MACF1: variants seen among roughly 807,000 people sequenced by gnomAD.
MACF1 encodes microtubule-actin cross-linking factor 1.
A neutral mutation model predicts 854.8 loss-of-function variants in MACF1; 193 were observed. That is an observed-to-expected ratio of 0.23 (90% confidence interval 0.20 to 0.25). The LOEUF (loss-of-function observed/expected upper bound fraction) is 0.25. MACF1 is among the 10% of genes least tolerant of loss of function. The probability of loss-of-function intolerance (pLI) is 1.00; values close to 1 mark genes in which losing one functional copy is unlikely to be tolerated. For missense variants in MACF1, 7,722 were observed against 8,929.1 expected (o/e 0.86, Z 5.45); for synonymous variants, 3,185 against 3,226.7 (o/e 0.99, Z 0.44).
At chr1:39,211,563 C>T (rs371258754) in intron 1 of MACF1, among the ~76,000 whole-genome samples, 10 of 151,992 alleles carry the variant, frequency 6.6e-5, no homozygotes, top group Non-Finnish European at 1.3e-4. Flanking sequence ...CACCGGCACC[C>T]GGCCTGTCTT....
chr1:39,245,666 T>C (rs1644974339), intron 2 of MACF1, among the ~76,000 whole-genome samples: 1 of 152,160 alleles, frequency 6.6e-6, no homozygotes, highest in African/African-American at 2.4e-5. Context: ...AGTGGGAGGA[T>C]TGTTTGTACC....
chr1:39,173,803 T>C (rs753099766), intron 2 of MACF1, among the ~76,000 whole-genome samples: 5 of 152,252 alleles, frequency 3.3e-5, no homozygotes, highest in Non-Finnish European at 7.3e-5. Flanking sequence ...AACATTTTCA[T>C]ATTTCTTTCT....
chr1:39,324,524 T>G, intron 34 of MACF1, 122 bp from the exon 35 acceptor site: 1 of 1,035,088 alleles, frequency 9.7e-7, no homozygotes, highest in East Asian at 2.6e-5. Context: ...TGTAGCTCAT[T>G]GGTGATAATA....
At chr1:39,385,256 C>T (rs1271396902) in intron 56 of MACF1, among the ~76,000 whole-genome samples, 178 bp from the exon 57 acceptor site, 2 of 152,062 alleles carry the variant, frequency 1.3e-5, no homozygotes, top group African/African-American at 2.4e-5. Flanking sequence ...TTAGTAGAGA[C>T]GGGGTTTCGC....
At chr1:39,329,280 T>C (rs1646674150) in intron 36 of MACF1, among the ~76,000 whole-genome samples, 1 of 152,218 alleles carries the variant, frequency 6.6e-6, no homozygotes, top group Admixed American at 6.5e-5. Context: ...GAGAACCAAA[T>C]ATACTGTTCT....
chr1:39,444,490 A>G (rs933038751), intron 79 of MACF1, among the ~76,000 whole-genome samples, 172 bp from the exon 80 acceptor site: 3 of 152,168 alleles, frequency 2.0e-5, no homozygotes, highest in Non-Finnish European at 4.4e-5. Context: ...TTTATTATTA[A>G]GTATGGTGGG....
chr1:39,220,184 A>AT (rs891119841), intron 1 of MACF1, among the ~76,000 whole-genome samples: 6 of 151,004 alleles, frequency 4.0e-5, no homozygotes, highest in South Asian at 2.1e-4. Flanking sequence ...TGAAAAAAAA[A>AT]TTTTTTTTTG....
chr1:39,474,456 G>A (rs925378516), intron 97 of MACF1, among the ~76,000 whole-genome samples: 7 of 152,062 alleles, frequency 4.6e-5, no homozygotes, highest in African/African-American at 1.7e-4. Context: ...AGCACTCTGG[G>A]AGGCTGAGCC....
At chr1:39,130,858 C>A (rs75746039) in intron 2 of MACF1, among the ~76,000 whole-genome samples, 1 of 143,514 alleles carries the variant, frequency 7.0e-6, no homozygotes, top group Non-Finnish European at 1.5e-5. Flanking sequence ...TTTTTTTTTT[C>A]GAGATGGAGT....
intron 58 of MACF1, among the ~76,000 whole-genome samples, chr1:39,420,291 T>C (rs765760642): frequency 3.3e-5 from 5 of 152,328 alleles, no homozygotes; most frequent in Non-Finnish European, 5.9e-5. Context: ...CTTTCTGCCT[T>C]CTTTGCCTTT....
chr1:39,366,097 T>C (rs971578792), intron 49 of MACF1, among the ~76,000 whole-genome samples: 1 of 152,174 alleles, frequency 6.6e-6, no homozygotes, highest in South Asian at 2.1e-4. Context: ...TCCTCCTCAA[T>C]TTTTTTCTTT....
chr1:39,204,282 G>A (rs1644425505), upstream of MACF1: 1 of 152,240 alleles, frequency 6.6e-6, no homozygotes, highest in East Asian at 1.9e-4. Flanking sequence ...CCAGCCAGAC[G>A]GATTTTTTTA....
intron 58 of MACF1, among the ~76,000 whole-genome samples, chr1:39,415,493 G>A (rs61636308): frequency 0.024 from 3,616 of 148,486 alleles, 113 homozygotes; most frequent in East Asian, 0.17. Context: ...CCGCCACTAC[G>A]CCCGGCAATT....
chr1:39,404,800 A>G (rs1478543081), intron 58 of MACF1, among the ~76,000 whole-genome samples: 1 of 152,180 alleles, frequency 6.6e-6, no homozygotes, highest in Admixed American at 6.5e-5. Context: ...TTGCTTCTTT[A>G]GAGTCCTGCC....
intron 38 of MACF1, among the ~76,000 whole-genome samples, chr1:39,338,107 G>GTT (rs1553273986): frequency 6.6e-6 from 1 of 152,152 alleles, no homozygotes. Context: ...ATTGATTTAG[G>GTT]TAAGTTCAAA....
chr1:39,096,877 T>C (rs1641951432), intron 2 of MACF1, among the ~76,000 whole-genome samples: 1 of 118,160 alleles, frequency 8.5e-6, no homozygotes, highest in Admixed American at 7.9e-5. Context: ...AGGGATTCCT[T>C]TTTTTTTTTT....
At chr1:39,199,447 A>G (rs1212243608) in intron 2 of MACF1, among the ~76,000 whole-genome samples, 1 of 151,970 alleles carries the variant, frequency 6.6e-6, no homozygotes, top group Non-Finnish European at 1.5e-5. Flanking sequence ...TTTGAGACCA[A>G]CCTGGGCTGT....
intron 6 of MACF1, among the ~76,000 whole-genome samples, chr1:39,273,751 C>T (rs545598053): frequency 4.1e-4 from 62 of 152,134 alleles, no homozygotes; most frequent in African/African-American, 1.3e-3. Flanking sequence ...CCACCATGCC[C>T]GGCTAATTTT....
Position 39,084,515 on chromosome 1 carries a change from G to T in MACF1, c.220+77G>T. The T allele has an allele frequency of 8.0e-7, 1 of 1,253,626 alleles. No homozygotes were observed. Among genetic ancestry groups the T allele is most frequent in the Non-Finnish European group, 1.1e-6 (1 of 891,164 alleles). The allele number at this position is 1,253,626 out of a possible 1,614,324, so 77.7% of individuals were successfully genotyped here. On this transcript the variant is annotated intron_variant, in intron 2 of 93. Transcript: ENST00000361689. The surrounding 1 kb of genome is among the most constrained non-coding windows in gnomAD (Gnocchi z 5.2). Reference sequence around the variant, plus strand: ...GGCCAGGGCACAGCAGCTGTGTGGGGAGCCGAGGGGTCCTCACCAGGGCCT... The same window carrying T: ...GGCCAGGGCACAGCAGCTGTGTGGGTAGCCGAGGGGTCCTCACCAGGGCCT...
Sources: allele counts gnomAD v4.1 joint callset (sites outside exome capture counted in the v4.1 genomes callset), GRCh38; gene constraint gnomAD v4.1.1; non-coding constraint Gnocchi (gnomAD v3.1); transcripts MANE v1.5; gene names NCBI Gene and HGNC (gene_info 2026-07-23, HGNC 2026-07-21).